RBFOX1: variants seen among roughly 807,000 people sequenced by gnomAD.
RBFOX1 encodes the protein RNA binding protein fox-1 homolog 1.
In RBFOX1, 8 loss-of-function variants were observed where a neutral mutation model predicts 57.7. The ratio of observed to expected loss-of-function variants is 0.14; its 90% CI spans 0.08 to 0.25. The LOEUF is 0.25. RBFOX1 is among the 10% of genes least tolerant of loss of function. The probability of loss-of-function intolerance (pLI) is 1.00; values close to 1 mark genes in which losing one functional copy is unlikely to be tolerated. For missense variants in RBFOX1, 611 were observed against 548.5 expected (o/e 1.11, Z -1.14); for synonymous variants, 326 against 222.4 (o/e 1.47, Z -4.15).
chr16:6,914,141 T>C (rs74588318), intron 3 of RBFOX1, among the ~76,000 whole-genome samples: 5,871 of 152,246 alleles, frequency 0.039, 299 homozygotes, highest in East Asian at 0.21. Context: ...GTGAAGGAAA[T>C]ACGAACATAA....
At chr16:5,346,534 G>A (rs1750138931) in intron 1 of RBFOX1, among the ~76,000 whole-genome samples, 1 of 152,176 alleles carries the variant, frequency 6.6e-6, no homozygotes, top group South Asian at 2.1e-4. Context: ...CTGGGTAATA[G>A]GACCTTTATA....
At chr16:5,822,940 A>G (rs1192672869) in intron 3 of RBFOX1, among the ~76,000 whole-genome samples, 1 of 152,192 alleles carries the variant, frequency 6.6e-6, no homozygotes, top group Non-Finnish European at 1.5e-5. Flanking sequence ...TTTCCACATG[A>G]TAACTGCATA....
intron 1 of RBFOX1, among the ~76,000 whole-genome samples, chr16:5,422,016 G>A (rs2067344158): frequency 6.6e-6 from 1 of 152,146 alleles, no homozygotes; most frequent in African/African-American, 2.4e-5. Flanking sequence ...AAAGTGAAGG[G>A]TTTTCTTTAA....
intron 5 of RBFOX1, among the ~76,000 whole-genome samples, chr16:7,529,899 C>G (rs936838726): frequency 2.0e-5 from 3 of 150,666 alleles, no homozygotes; most frequent in Non-Finnish European, 2.9e-5. Context: ...ATCCCAGCTA[C>G]TTGGGAGGCG....
At chr16:5,694,464 G>A (rs2050788649) in intron 3 of RBFOX1, among the ~76,000 whole-genome samples, 1 of 152,150 alleles carries the variant, frequency 6.6e-6, no homozygotes, top group Admixed American at 6.5e-5. Context: ...TACCCACTTG[G>A]TCTATGAAAT....
At chr16:6,080,938 C>G (rs1245656745) in intron 1 of RBFOX1, among the ~76,000 whole-genome samples, 1 of 152,140 alleles carries the variant, frequency 6.6e-6, no homozygotes, top group East Asian at 1.9e-4. Context: ...CATTTGGAAA[C>G]ACCCAGAACC....
At chr16:7,387,341 G>C (rs913554102) in intron 4 of RBFOX1, among the ~76,000 whole-genome samples, 4 of 152,110 alleles carry the variant, frequency 2.6e-5, no homozygotes, top group Admixed American at 1.3e-4. Context: ...CCAGGTATTT[G>C]ATTAATTTCA....
intron 3 of RBFOX1, among the ~76,000 whole-genome samples, chr16:5,835,049 T>C (rs2056415590): frequency 6.6e-6 from 1 of 152,204 alleles, no homozygotes; most frequent in Non-Finnish European, 1.5e-5. Flanking sequence ...TAGATATTGG[T>C]GCAGATGAAT....
chr16:5,652,077 T>A (rs902637211), intron 3 of RBFOX1, among the ~76,000 whole-genome samples: 1 of 152,100 alleles, frequency 6.6e-6, no homozygotes, highest in African/African-American at 2.4e-5. Context: ...GAGGTTCTAG[T>A]GAGCCAAGAT....
intron 1 of RBFOX1, among the ~76,000 whole-genome samples, chr16:5,428,962 CT>C (rs2067647156): frequency 6.6e-6 from 1 of 151,984 alleles, no homozygotes; most frequent in Non-Finnish European, 1.5e-5. Flanking sequence ...AGTGCAGGGG[CT>C]TTTCCTCTCT....
intron 4 of RBFOX1, among the ~76,000 whole-genome samples, chr16:7,361,276 C>T (rs2097314718): frequency 6.6e-6 from 1 of 152,220 alleles, no homozygotes; most frequent in African/African-American, 2.4e-5. Flanking sequence ...TTCCGTCTCG[C>T]TGGGCCTGCC....
At chr16:6,575,175 C>T (rs990949598) in intron 2 of RBFOX1, among the ~76,000 whole-genome samples, 9 of 152,084 alleles carry the variant, frequency 5.9e-5, no homozygotes, top group Non-Finnish European at 1.2e-4. Context: ...TAGAAAAAGA[C>T]ACGGCCTCAT....
chr16:6,795,114 T>A (rs982752433), intron 3 of RBFOX1, among the ~76,000 whole-genome samples: 3 of 152,212 alleles, frequency 2.0e-5, no homozygotes, highest in African/African-American at 7.2e-5. Context: ...ATATTTTATC[T>A]ACTTTCCTCC....
At chr16:6,858,710 T>C (rs2058354677) in intron 3 of RBFOX1, among the ~76,000 whole-genome samples, 1 of 152,100 alleles carries the variant, frequency 6.6e-6, no homozygotes, top group African/African-American at 2.4e-5. Context: ...AGAATATGAG[T>C]GTTCAGCTCA....
intron 1 of RBFOX1, among the ~76,000 whole-genome samples, chr16:5,324,216 A>C (rs939575001): frequency 1.3e-5 from 2 of 152,190 alleles, no homozygotes; most frequent in Non-Finnish European, 2.9e-5. Flanking sequence ...TAATCCCAGC[A>C]CTTGGGGAGG....
At chr16:5,745,499 A>C (rs141099299) in intron 3 of RBFOX1, among the ~76,000 whole-genome samples, 5,272 of 152,270 alleles carry the variant, frequency 0.035, 314 homozygotes, top group African/African-American at 0.12. Flanking sequence ...CTAGTTCTAG[A>C]TCCTTGAGGA....
intron 4 of RBFOX1, among the ~76,000 whole-genome samples, chr16:7,457,530 C>T (rs987706830): frequency 1.3e-5 from 2 of 152,164 alleles, no homozygotes; most frequent in Admixed American, 1.3e-4. Context: ...GTTTGGGTTT[C>T]TTCATGCAGT....
At chr16:5,789,602 ATTG>A (rs2054620640) in intron 3 of RBFOX1, among the ~76,000 whole-genome samples, 1 of 152,036 alleles carries the variant, frequency 6.6e-6, no homozygotes, top group East Asian at 1.9e-4. Flanking sequence ...AGAGCTTATT[ATTG>A]TTCTCTTTTG....
At chr16:7,391,051 C>G (rs2098005027) in intron 4 of RBFOX1, among the ~76,000 whole-genome samples, 1 of 152,134 alleles carries the variant, frequency 6.6e-6, no homozygotes, top group African/African-American at 2.4e-5. Context: ...CTTGTTGTGC[C>G]TGTTCCTTCT....
Sources: gnomAD v4.1 joint callset for allele counts (sites outside exome capture counted in the v4.1 genomes callset) on GRCh38, gnomAD v4.1.1 for gene constraint, MANE v1.5 for transcripts, NCBI Gene and HGNC (gene_info 2026-07-23, HGNC 2026-07-21) for gene names.